Variants in PTPRD observed in about 807,000 individuals in gnomAD.
The protein encoded by PTPRD is receptor-type tyrosine-protein phosphatase delta.
In PTPRD, 34 loss-of-function variants were observed where a neutral mutation model predicts 214.5. That is an observed-to-expected ratio of 0.16 (90% confidence interval 0.12 to 0.21). The LOEUF is 0.21. PTPRD is among the 10% of genes least tolerant of loss of function. PTPRD has a pLI of 1.00. For missense variants in PTPRD, 2,545 were observed against 2,398.7 expected, an observed-to-expected ratio of 1.06 and a Z score of -1.27; for synonymous variants, 1,128 against 845.7, an observed-to-expected ratio of 1.33 and a Z score of -5.79.
intron 4 of PTPRD, among the ~76,000 whole-genome samples, chr9:9,991,627 T>C (rs943188650): frequency 6.6e-5 from 10 of 151,552 alleles, no homozygotes; most frequent in African/African-American, 2.2e-4. Context: ...TCCCGAAGTG[T>C]TGGGACTACA....
At chr9:9,898,840 T>C (rs1313153356) in intron 5 of PTPRD, among the ~76,000 whole-genome samples, 1 of 152,138 alleles carries the variant, frequency 6.6e-6, no homozygotes, top group African/African-American at 2.4e-5. Flanking sequence ...TGTTAGTCTG[T>C]ATACTAAACC....
intron 8 of PTPRD, among the ~76,000 whole-genome samples, chr9:9,402,995 A>G (rs1314280826): frequency 4.7e-5 from 7 of 148,750 alleles, no homozygotes; most frequent in African/African-American, 1.7e-4. Context: ...AAAAACACCA[A>G]AAAAAAATGA....
intron 10 of PTPRD, among the ~76,000 whole-genome samples, chr9:9,042,983 T>G (rs1285770006): frequency 6.6e-6 from 1 of 152,166 alleles, no homozygotes; most frequent in Non-Finnish European, 1.5e-5. Flanking sequence ...ACTTGTAGTT[T>G]GAAGCTGAAG....
chr9:8,340,516 A>G (rs762677611), intron 41 of PTPRD, 47 bp from the exon 42 acceptor site: 2 of 1,485,164 alleles, frequency 1.3e-6, no homozygotes, highest in Non-Finnish European at 1.8e-6. Context: ...TTTAGAGAAC[A>G]TGCAAAAGCT....
Position 9,014,651 on chromosome 9 carries a change from A to C in PTPRD, c.-104+4046T>G, listed in dbSNP as rs1018810587. Among the ~76,000 whole-genome samples, 7 of 152,244 alleles carry C rather than the reference A, an allele frequency of 4.6e-5. No individual in the cohort carries two copies. The East Asian group carries it at 1.4e-3, about 29-fold the overall frequency. On this transcript the variant is annotated intron_variant, in intron 11 of 45. Transcript: ENST00000381196. ...AGTTAACTTGACTGTCATCTTTATC[A>C]AGCAGTATATTTACATGGGAGACAA...
chr9:8,492,699 A>C (rs1172563789), intron 27 of PTPRD, among the ~76,000 whole-genome samples, 163 bp downstream of exon 27: 1 of 131,226 alleles, frequency 7.6e-6, no homozygotes, highest in African/African-American at 3.2e-5. Flanking sequence ...TTTTTCCCTG[A>C]TCTATTTTTT....
chr9:9,793,455 A>G (rs2098980960), intron 5 of PTPRD, among the ~76,000 whole-genome samples: 1 of 152,162 alleles, frequency 6.6e-6, no homozygotes, highest in Admixed American at 6.5e-5. Flanking sequence ...ACACATATGT[A>G]TATGTTATCA....
chr9:10,575,643 AG>A (rs2069023269), intron 2 of PTPRD, among the ~76,000 whole-genome samples: 1 of 152,136 alleles, frequency 6.6e-6, no homozygotes, highest in African/African-American at 2.4e-5. Flanking sequence ...TGCCAAGAAA[AG>A]AAAGTGGTCA....
intron 8 of PTPRD, among the ~76,000 whole-genome samples, chr9:9,523,076 C>T (rs972050379): frequency 6.6e-6 from 1 of 152,070 alleles, no homozygotes; most frequent in South Asian, 2.1e-4. Context: ...TAAAAACATA[C>T]AAATGCTTTC....
chr9:9,321,602 T>C (rs1413972590), intron 9 of PTPRD, among the ~76,000 whole-genome samples: 6 of 151,776 alleles, frequency 4.0e-5, no homozygotes, highest in Non-Finnish European at 8.8e-5. Flanking sequence ...TGTATGCATA[T>C]CTGATTTTTC....
At chr9:9,068,746 G>T (rs2099739239) in intron 10 of PTPRD, among the ~76,000 whole-genome samples, 1 of 151,894 alleles carries the variant, frequency 6.6e-6, no homozygotes, top group Non-Finnish European at 1.5e-5. Flanking sequence ...CTAGTAGCTG[G>T]GATTACAGGC....
intron 10 of PTPRD, among the ~76,000 whole-genome samples, chr9:9,149,172 G>T (rs1431553205): frequency 6.6e-6 from 1 of 152,092 alleles, no homozygotes; most frequent in East Asian, 1.9e-4. Context: ...CTCACCTCAG[G>T]TTCATGTCTA....
intron 5 of PTPRD, among the ~76,000 whole-genome samples, chr9:9,900,077 A>G (rs185068587): frequency 6.6e-6 from 1 of 152,306 alleles, no homozygotes; most frequent in East Asian, 1.9e-4. Context: ...GGAGTGAAAC[A>G]CTTAATATCA....
intron 44 of PTPRD, among the ~76,000 whole-genome samples, chr9:8,320,216 A>G (rs541591758): frequency 5.9e-5 from 9 of 152,246 alleles, no homozygotes; most frequent in African/African-American, 2.2e-4. Flanking sequence ...GATTTATACC[A>G]TTTTAGAAAG....
intron 10 of PTPRD, among the ~76,000 whole-genome samples, chr9:9,053,216 G>T (rs2099689759): frequency 6.6e-6 from 1 of 152,030 alleles, no homozygotes; most frequent in Non-Finnish European, 1.5e-5. Flanking sequence ...ATAACATAGT[G>T]GTTTACATTA....
chr9:10,033,727 G>C lies in PTPRD; in HGVS notation c.-481C>G, dbSNP rs1450725710. The C allele has an allele frequency of 6.6e-6, 1 of 152,104 alleles. No homozygotes were observed. Among genetic ancestry groups the C allele is most frequent in the Non-Finnish European group, 1.5e-5 (1 of 67,992 alleles). The allele number at this position is 152,104 out of a possible 1,614,324, so 9.4% of individuals were successfully genotyped here. ...AATGAGTGAGACTTACCAATGTACA[G>C]CTTCCCCCTACAAGATGATTTTATA... On this transcript the variant is annotated 5_prime_UTR_variant, in exon 4 of 46. Coordinates refer to ENST00000381196, the MANE Select transcript of PTPRD (RefSeq NM_002839.4).
intron 2 of PTPRD, among the ~76,000 whole-genome samples, chr9:10,550,930 T>G (rs1187809806): frequency 6.6e-6 from 1 of 152,214 alleles, no homozygotes; most frequent in Admixed American, 6.5e-5. Flanking sequence ...GGTATTAACT[T>G]TCATTCTCCT....
chr9:9,797,366 A>G (rs1274994329), intron 5 of PTPRD, among the ~76,000 whole-genome samples: 2 of 151,158 alleles, frequency 1.3e-5, no homozygotes, highest in Admixed American at 1.3e-4. Flanking sequence ...CATATTTAAA[A>G]TGTGCAAAGC....
chr9:10,574,998 GA>G (rs1441484386), intron 2 of PTPRD, among the ~76,000 whole-genome samples: 5 of 151,404 alleles, frequency 3.3e-5, no homozygotes, highest in East Asian at 1.9e-4. Flanking sequence ...AATCAACAAA[GA>G]AAAAAATCAT....
Sources: gnomAD v4.1 joint callset for allele counts (sites outside exome capture counted in the v4.1 genomes callset) on GRCh38, gnomAD v4.1.1 for gene constraint, MANE v1.5 for transcripts, NCBI Gene and HGNC (gene_info 2026-07-23, HGNC 2026-07-21) for gene names.